NGF: variants seen among roughly 807,000 people sequenced by gnomAD.
NGF encodes nerve growth factor, also known as beta-nerve growth factor.
NGF carries 4 observed loss-of-function variants against 12.8 expected under a neutral mutation model. The ratio of observed to expected loss-of-function variants is 0.31; its 90% CI spans 0.15 to 0.72. The LOEUF (loss-of-function observed/expected upper bound fraction) is 0.72. Ranked by LOEUF, NGF falls within the 30% of genes least tolerant of loss-of-function variation. The probability of loss-of-function intolerance (pLI) is 0.69; values close to 1 mark genes in which losing one functional copy is unlikely to be tolerated. For missense variants in NGF, 283 were observed against 330.8 expected (o/e 0.86, Z 1.12); for synonymous variants, 140 against 130.0 (o/e 1.08, Z -0.52).
intron 1 of NGF, among the ~76,000 whole-genome samples, chr1:115,322,947 A>G (rs1232975542): frequency 6.6e-6 from 1 of 152,218 alleles, no homozygotes; most frequent in Non-Finnish European, 1.5e-5. Flanking sequence ...TATAATGAGG[A>G]TAGCTACCAT....
At chr1:115,334,704 C>G (rs1434699999) in intron 1 of NGF, among the ~76,000 whole-genome samples, 1 of 152,132 alleles carries the variant, frequency 6.6e-6, no homozygotes, top group East Asian at 1.9e-4. Flanking sequence ...ATACACTTAG[C>G]CCTTTATGAG....
intron 2 of NGF, among the ~76,000 whole-genome samples, chr1:115,292,959 T>TG (rs1446462654): frequency 6.6e-6 from 1 of 152,014 alleles, no homozygotes; most frequent in Non-Finnish European, 1.5e-5. Context: ...GGAGGGCAGC[T>TG]GTGCTGGATA....
chr1:115,337,267 GTTTTTTTTTTTTTTTT>G lies in NGF; in HGVS notation c.-137+921_-137+936del, dbSNP rs67307707. 1.6e-4 allele frequency among the ~76,000 whole-genome samples: 13 copies of G among 81,030 alleles called. 1 individual carries two copies. The highest frequency in any genetic ancestry group is 4.0e-4 in the South Asian group (1 of 2,496). 53.2% of individuals were successfully genotyped at this position (81,030 alleles called of 152,430 possible). ...TCGAAATTTTTTTTGTTTTGTTTTT[GTTTTTTTTTTTTTTTT>G]TTTTTTTTTTTTTTTTTTTTTTAGA... On this transcript the variant is annotated intron_variant, in intron 1 of 2. Transcript: ENST00000369512.
chr1:115,329,928 T>A (rs1169138965), intron 1 of NGF, among the ~76,000 whole-genome samples: 2 of 152,058 alleles, frequency 1.3e-5, no homozygotes, highest in Non-Finnish European at 2.9e-5. Flanking sequence ...TTTTTTTATT[T>A]TTATTTTTGT....
At chr1:115,290,184 C>G (rs1314051857) in intron 2 of NGF, among the ~76,000 whole-genome samples, 1 of 152,044 alleles carries the variant, frequency 6.6e-6, no homozygotes, top group African/African-American at 2.4e-5. Context: ...GCACAAAACT[C>G]CTGGGGGCAG....
rs752800027 is a variant in NGF at position 115,286,754 on chromosome 1, G to A, written c.42C>T (p.Ile14=). The part of the protein sequence containing the change: ...LFYTLITAFL[I]GIQAEPHSES... ...CTGAGTGTGGTTCCGCCTGTATGCC[G>A]ATCAGAAAAGCTGTGATCAGAGTGT... is the stretch of plus-strand genomic sequence containing the variant. The change falls in exon 3 of 3, where the codon ATC becomes ATT. Residue 14 remains isoleucine (I), a synonymous_variant. Coordinates refer to ENST00000369512, the MANE Select transcript of NGF (RefSeq NM_002506.3). The A allele has an allele frequency of 1.4e-5, 23 of 1,614,048 alleles. No individual in the cohort carries two copies. Among genetic ancestry groups the A allele is most frequent in the East Asian group, 8.9e-5 (4 of 44,880 alleles).
At chr1:115,336,304 A>G (rs535086239) in intron 1 of NGF, among the ~76,000 whole-genome samples, 4 of 152,254 alleles carry the variant, frequency 2.6e-5, no homozygotes, top group South Asian at 4.1e-4. Context: ...ACTTCTGTCA[A>G]ATTAGTGTTC....
intron 1 of NGF, among the ~76,000 whole-genome samples, chr1:115,318,966 T>C (rs1654545534): frequency 6.6e-6 from 1 of 152,238 alleles, no homozygotes; most frequent in Admixed American, 6.5e-5. Context: ...GGACAGATGC[T>C]GTTGAATGGC....
chr1:115,332,770 G>A (rs765242179), intron 1 of NGF, among the ~76,000 whole-genome samples: 21 of 152,122 alleles, frequency 1.4e-4, no homozygotes, highest in Admixed American at 1.2e-3. Flanking sequence ...GGAGTACCCC[G>A]TCCTTCCCCC....
At chr1:115,320,489 G>A (rs915083438) in intron 1 of NGF, among the ~76,000 whole-genome samples, 2 of 152,072 alleles carry the variant, frequency 1.3e-5, no homozygotes, top group Non-Finnish European at 2.9e-5. Flanking sequence ...CGACTAAGTG[G>A]GTAATGAGTG....
At chr1:115,330,175 T>C (rs1442561667) in intron 1 of NGF, among the ~76,000 whole-genome samples, 1 of 152,172 alleles carries the variant, frequency 6.6e-6, no homozygotes, top group Non-Finnish European at 1.5e-5. Context: ...ATGCAGCTAA[T>C]TGTGTACTCT....
At chr1:115,310,705 T>G (rs2101040320) in intron 1 of NGF, among the ~76,000 whole-genome samples, 1 of 152,318 alleles carries the variant, frequency 6.6e-6, no homozygotes, top group South Asian at 2.1e-4. Flanking sequence ...TTCTCCTTTA[T>G]TTATTGTTGA....
At chr1:115,329,576 C>T (rs1421783574) in intron 1 of NGF, among the ~76,000 whole-genome samples, 1 of 152,122 alleles carries the variant, frequency 6.6e-6, no homozygotes, top group East Asian at 1.9e-4. Flanking sequence ...TATGTACATA[C>T]ATACAGTACA....
intron 1 of NGF, among the ~76,000 whole-genome samples, chr1:115,296,119 TA>T (rs147640477): frequency 0.023 from 3,468 of 152,172 alleles, 113 homozygotes; most frequent in East Asian, 0.079. Context: ...GCAGGGTTCT[TA>T]AGGATGAATA....
chr1:115,324,728 C>T (rs1051624836), intron 1 of NGF, among the ~76,000 whole-genome samples: 2 of 152,138 alleles, frequency 1.3e-5, no homozygotes, highest in Non-Finnish European at 2.9e-5. Flanking sequence ...GAGTGGGGTA[C>T]TCCGGAAACT....
rs745683574 is a variant in NGF at position 115,286,800 on chromosome 1, C to T, written c.-5G>A. 1.1e-5 allele frequency: 18 copies of T among 1,613,996 alleles called. No individual in the cohort carries two copies. In the East Asian group the frequency reaches 3.8e-4, roughly 34 times the overall value. On this transcript the variant is annotated 5_prime_UTR_variant, in exon 3 of 3. Coordinates refer to ENST00000369512, the MANE Select transcript of NGF (RefSeq NM_002506.3). ...AGTGTAGAACAACATGGACATTACGCTATGCACCTGGAATGAAAAAGAAAT... is the reference window on the plus strand; with the variant it reads ...AGTGTAGAACAACATGGACATTACGTTATGCACCTGGAATGAAAAAGAAAT...
chr1:115,326,452 C>T (rs1164004883), intron 1 of NGF, among the ~76,000 whole-genome samples: 4 of 152,064 alleles, frequency 2.6e-5, no homozygotes, highest in African/African-American at 7.2e-5. Flanking sequence ...ACTTTATAGC[C>T]GAAGAAACTG....
chr1:115,320,705 C>A (rs1218167038), intron 1 of NGF, among the ~76,000 whole-genome samples: 4 of 152,190 alleles, frequency 2.6e-5, no homozygotes, highest in African/African-American at 9.7e-5. Flanking sequence ...ACAACTGATC[C>A]CAGGTAACTG....
At chr1:115,313,472 G>A (rs1350867339) in intron 1 of NGF, among the ~76,000 whole-genome samples, 2 of 152,128 alleles carry the variant, frequency 1.3e-5, no homozygotes, top group East Asian at 1.9e-4. Context: ...ATTTTGGAGG[G>A]TTTCCTGGCA....
Sources: gnomAD v4.1 joint callset for allele counts (sites outside exome capture counted in the v4.1 genomes callset) on GRCh38, gnomAD v4.1.1 for gene constraint, MANE v1.5 for transcripts, NCBI Gene and HGNC (gene_info 2026-07-23, HGNC 2026-07-21) for gene names.